The following DAB1 variants were observed in gnomAD, a reference collection of about 807,000 sequenced individuals.
DAB1 encodes the protein DAB adaptor protein 1.
Under a neutral mutation model 64.6 loss-of-function variants are expected in DAB1, and 15 were observed. The ratio of observed to expected loss-of-function variants is 0.23; its 90% CI spans 0.16 to 0.36. The LOEUF is 0.36. Among genes scored for constraint, DAB1 ranks in the 10% least tolerant of loss-of-function variants. The probability of loss-of-function intolerance (pLI) is 1.00; values close to 1 mark genes in which losing one functional copy is unlikely to be tolerated. For synonymous variants in DAB1, 235 were observed against 251.9 expected (o/e 0.93, Z 0.64); for missense variants, 596 against 706.7 (o/e 0.84, Z 1.78).
At chr1:57,466,909 T>G (rs1168969906) in intron 7 of DAB1, among the ~76,000 whole-genome samples, 1 of 152,178 alleles carries the variant, frequency 6.6e-6, no homozygotes, top group African/African-American at 2.4e-5. Flanking sequence ...CTCCAACTTT[T>G]TGTTCTGCCA....
intron 4 of DAB1, among the ~76,000 whole-genome samples, chr1:58,272,707 T>C (rs988563832): frequency 6.6e-6 from 1 of 151,096 alleles, no homozygotes; most frequent in Non-Finnish European, 1.5e-5. Context: ...ATCTGGGTGC[T>C]CCTGTATTGG....
At chr1:57,579,118 T>C (rs1380702312) in intron 7 of DAB1, among the ~76,000 whole-genome samples, 1 of 152,214 alleles carries the variant, frequency 6.6e-6, no homozygotes, top group Admixed American at 6.5e-5. Flanking sequence ...CACCTGAAAC[T>C]TGTGGGCTGC....
chr1:57,191,860 T>C (rs1350106276), intron 2 of DAB1, among the ~76,000 whole-genome samples: 2 of 152,130 alleles, frequency 1.3e-5, no homozygotes, highest in Non-Finnish European at 2.9e-5. Context: ...ATGTAGATGA[T>C]AATACCTACC....
chr1:58,357,464 A>G (rs1179895287), intron 3 of DAB1, among the ~76,000 whole-genome samples: 1 of 152,182 alleles, frequency 6.6e-6, no homozygotes, highest in Non-Finnish European at 1.5e-5. Context: ...GTCATATAAG[A>G]TTTGATATGA....
chr1:57,708,897 C>T (rs1646996932), intron 6 of DAB1, among the ~76,000 whole-genome samples: 1 of 152,046 alleles, frequency 6.6e-6, no homozygotes, highest in African/African-American at 2.4e-5. Flanking sequence ...TGTGATCACT[C>T]TAATTGTTTT....
At chr1:58,302,789 A>AT (rs1314907748) in intron 4 of DAB1, among the ~76,000 whole-genome samples, 6 of 152,200 alleles carry the variant, frequency 3.9e-5, no homozygotes, top group African/African-American at 1.4e-4. Context: ...TAAATAATCA[A>AT]TAAATATTAT....
At chr1:57,127,768 A>G (rs1244332079) in intron 4 of DAB1, among the ~76,000 whole-genome samples, 2 of 152,244 alleles carry the variant, frequency 1.3e-5, no homozygotes, top group Non-Finnish European at 2.9e-5. Flanking sequence ...TAATAGTTGT[A>G]TTGTAATAAT....
intron 1 of DAB1, among the ~76,000 whole-genome samples, chr1:57,319,873 C>T (rs77942438): frequency 0.089 from 13,543 of 152,102 alleles, 673 homozygotes; most frequent in Admixed American, 0.12. Context: ...GCTGCCCTGG[C>T]TTCTTTCTGT....
chr1:58,194,411 C>G (rs1657556800), intron 4 of DAB1, among the ~76,000 whole-genome samples: 1 of 152,168 alleles, frequency 6.6e-6, no homozygotes, highest in South Asian at 2.1e-4. Flanking sequence ...AATGTTAGTT[C>G]TCATTCTCAT....
At chr1:57,400,283 G>C (rs554786447) in intron 1 of DAB1, among the ~76,000 whole-genome samples, 15 of 151,910 alleles carry the variant, frequency 9.9e-5, no homozygotes, top group Admixed American at 8.5e-4. Flanking sequence ...CTGAGTTGGA[G>C]AGAAAGAAAA....
chr1:57,947,443 G>T (rs1233443302), intron 5 of DAB1, among the ~76,000 whole-genome samples: 1 of 152,106 alleles, frequency 6.6e-6, no homozygotes, highest in Non-Finnish European at 1.5e-5. Flanking sequence ...AGCACACCTT[G>T]TTGCACGGGC....
chr1:58,150,785 C>A (rs1321602549), intron 4 of DAB1, among the ~76,000 whole-genome samples: 1 of 151,918 alleles, frequency 6.6e-6, no homozygotes, highest in African/African-American at 2.4e-5. Context: ...GTGTACTGCA[C>A]CCATTAACTC....
At chr1:58,302,128 G>A (rs934145031) in intron 4 of DAB1, among the ~76,000 whole-genome samples, 4 of 152,070 alleles carry the variant, frequency 2.6e-5, no homozygotes, top group Non-Finnish European at 5.9e-5. Context: ...TGAAATTGGT[G>A]TACACTTAGA....
chr1:57,357,519 CT>C (rs35457403), intron 1 of DAB1, among the ~76,000 whole-genome samples: 5,811 of 122,714 alleles, frequency 0.047, 176 homozygotes, highest in African/African-American at 0.1. Flanking sequence ...CACCTTCTTC[CT>C]TTTTTTTTTT....
chr1:57,132,217 C>T (rs1301451660), intron 4 of DAB1, among the ~76,000 whole-genome samples: 2 of 152,014 alleles, frequency 1.3e-5, no homozygotes, highest in Non-Finnish European at 2.9e-5. Context: ...ATAGCTGGTG[C>T]CCAGTAATAC....
At chr1:57,413,719 A>G (rs530401) in intron 1 of DAB1, among the ~76,000 whole-genome samples, 23,462 of 142,726 alleles carry the variant, frequency 0.16, 2,829 homozygotes, top group African/African-American at 0.35. Flanking sequence ...ACTCCAGCCC[A>G]GGCGACACAG....
intron 7 of DAB1, among the ~76,000 whole-genome samples, chr1:57,473,498 A>G (rs772519166): frequency 1.3e-5 from 2 of 152,316 alleles, no homozygotes; most frequent in Middle Eastern, 3.4e-3. Context: ...CAGTAAAGTC[A>G]CCAAAAAATC....
intron 2 of DAB1, among the ~76,000 whole-genome samples, chr1:57,230,612 A>G (rs1557985753): frequency 6.6e-6 from 1 of 151,710 alleles, no homozygotes; most frequent in Non-Finnish European, 1.5e-5. Context: ...CAACTTTGTG[A>G]TTTTCTTTGT....
intron 4 of DAB1, among the ~76,000 whole-genome samples, chr1:58,192,504 G>C (rs949744664): frequency 6.6e-6 from 1 of 152,038 alleles, no homozygotes; most frequent in African/African-American, 2.4e-5. Flanking sequence ...AGTTATAAGT[G>C]AGACATGTAG....
Sources: gnomAD v4.1 joint callset for allele counts (sites outside exome capture counted in the v4.1 genomes callset) on GRCh38, gnomAD v4.1.1 for gene constraint, MANE v1.5 for transcripts, NCBI Gene and HGNC (gene_info 2026-07-23, HGNC 2026-07-21) for gene names.